The following NXN variants were observed in gnomAD, a reference collection of about 807,000 sequenced individuals.
NXN encodes nucleoredoxin.
A neutral mutation model predicts 48.6 loss-of-function variants in NXN; 16 were observed. That is an observed-to-expected ratio of 0.33 (90% confidence interval 0.22 to 0.50). The LOEUF (loss-of-function observed/expected upper bound fraction) is 0.50, where lower values mean the gene tolerates loss of function less well. Ranked by LOEUF, NXN falls within the 20% of genes least tolerant of loss-of-function variation. The pLI, the probability that NXN is intolerant of heterozygous loss-of-function variation, is 0.98. For synonymous variants in NXN, 281 were observed against 269.6 expected (o/e 1.04, Z -0.41); for missense variants, 492 against 605.5 (o/e 0.81, Z 1.97).
intron 1 of NXN, among the ~76,000 whole-genome samples, chr17:900,211 A>T (rs2068524515): frequency 6.6e-6 from 1 of 152,312 alleles, no homozygotes; most frequent in African/African-American, 2.4e-5. Flanking sequence ...GGTTGTGGTG[A>T]GCCAAGATTG....
chr17:940,114 T>A (rs1263173907), intron 1 of NXN, among the ~76,000 whole-genome samples: 3 of 148,812 alleles, frequency 2.0e-5, no homozygotes, highest in African/African-American at 2.4e-5. Flanking sequence ...TTTTTGTATT[T>A]TTTTGGTAGA....
chr17:951,211 G>A (rs1036085089), intron 1 of NXN, among the ~76,000 whole-genome samples: 7 of 146,704 alleles, frequency 4.8e-5, no homozygotes, highest in African/African-American at 1.0e-4. Flanking sequence ...AAAGCTGGGC[G>A]TGGTAGCGGG....
intron 1 of NXN, among the ~76,000 whole-genome samples, chr17:883,615 A>T (rs569118071): frequency 6.6e-6 from 1 of 152,388 alleles, no homozygotes; most frequent in East Asian, 1.9e-4. Flanking sequence ...TCGATGCTGG[A>T]AGGGCAGAAA....
intron 1 of NXN, chr17:864,041 C>T (rs1480468782): frequency 4.0e-6 from 6 of 1,508,204 alleles, no homozygotes; most frequent in Admixed American, 2.0e-5. Context: ...TGAAGGGACA[C>T]GTCTGCCATT....
chr17:902,430 A>G (rs1480941236), intron 1 of NXN, among the ~76,000 whole-genome samples: 1 of 152,202 alleles, frequency 6.6e-6, no homozygotes, highest in Non-Finnish European at 1.5e-5. Context: ...TCGAGGCAGA[A>G]ACAGATTTAC....
intron 1 of NXN, among the ~76,000 whole-genome samples, chr17:888,962 C>CAA (rs71145786): frequency 0.012 from 1,253 of 101,344 alleles, 31 homozygotes; most frequent in African/African-American, 0.039. Flanking sequence ...AACTCCATCT[C>CAA]AAAAAAAAAA....
intron 1 of NXN, among the ~76,000 whole-genome samples, chr17:842,026 C>G (rs1300977491): frequency 6.6e-6 from 1 of 152,090 alleles, no homozygotes; most frequent in Non-Finnish European, 1.5e-5. Flanking sequence ...ACCCCAGCAA[C>G]TCAGGAGGCT....
intron 1 of NXN, among the ~76,000 whole-genome samples, chr17:933,072 G>A (rs1416267439): frequency 6.6e-6 from 1 of 152,158 alleles, no homozygotes; most frequent in African/African-American, 2.4e-5. Context: ...AGAGGTTCCA[G>A]AAGGCAAGAT....
chr17:846,771 AG>A (rs1421353059), intron 1 of NXN, among the ~76,000 whole-genome samples: 1 of 152,164 alleles, frequency 6.6e-6, no homozygotes, highest in African/African-American at 2.4e-5. Flanking sequence ...AAATAAGGAA[AG>A]GAATGTGAGC....
chr17:857,322 G>A (rs2067996253), intron 1 of NXN, among the ~76,000 whole-genome samples: 1 of 152,070 alleles, frequency 6.6e-6, no homozygotes, highest in Admixed American at 6.6e-5. Flanking sequence ...GGGCAATGGT[G>A]TGATCTCAGC....
In NXN at chr17:843,039, AGAAAGAAAGAAAGAAAGAAG is replaced by A. The variant is rs1223787642; in HGVS notation, c.361-16981_361-16962del. ...AAGAAAGAAAGAAAGAAAGAAAGAA[AGAAAGAAAGAAAGAAAGAAG>A]GAAGAAAGCAAGCAAGCAAGCTGCA... On this transcript the variant is annotated intron_variant, in intron 1 of 7. Transcript: ENST00000336868. Among the ~76,000 whole-genome samples the A allele has an allele frequency of 3.3e-3, 460 of 139,462 alleles. 8 individuals carry two copies. The highest frequency in any genetic ancestry group is 7.8e-3 in the African/African-American group (265 of 33,906). 91.5% of individuals were successfully genotyped at this position (139,462 alleles called of 152,430 possible). A position where few individuals can be genotyped will look rare whatever the true frequency, so the allele number is the denominator to read the frequency against.
chr17:870,755 GAA>G (rs113824007), intron 1 of NXN, among the ~76,000 whole-genome samples: 21 of 131,338 alleles, frequency 1.6e-4, no homozygotes, highest in Admixed American at 2.3e-4. Context: ...ACTCTGTCTG[GAA>G]AAAAAAAAAA....
chr17:973,880 T>A (rs1439086868), intron 1 of NXN, among the ~76,000 whole-genome samples: 1 of 151,608 alleles, frequency 6.6e-6, no homozygotes, highest in Non-Finnish European at 1.5e-5. Context: ...GGTTTCACCA[T>A]GTTGGCCAGG....
At chr17:963,239 A>ACACACACC (rs1203502504) in intron 1 of NXN, among the ~76,000 whole-genome samples, 1 of 147,670 alleles carries the variant, frequency 6.8e-6, no homozygotes, top group African/African-American at 2.6e-5. Context: ...ACACACACAC[A>ACACACACC]CCCCTTTCAT....
At chr17:888,681 G>A (rs1258327154) in intron 1 of NXN, among the ~76,000 whole-genome samples, 1 of 151,940 alleles carries the variant, frequency 6.6e-6, no homozygotes, top group Non-Finnish European at 1.5e-5. Context: ...GAGGCCAGGT[G>A]TGGTGGCTCG....
chr17:871,188 T>A (rs1434162356), intron 1 of NXN, among the ~76,000 whole-genome samples: 5 of 151,820 alleles, frequency 3.3e-5, no homozygotes, highest in African/African-American at 1.2e-4. Context: ...ACGGTGATCT[T>A]CGCAGCTCTC....
Position 920,980 on chromosome 17 carries a change from C to A in NXN, c.360+58339G>T, listed in dbSNP as rs533943008. ...TCAAGTGATCCTCCCACCTTGGCCC[C>A]CAAAAGTCCTGGATGACAGGTGTGA... On this transcript the variant is annotated intron_variant, in intron 1 of 7. Transcript: ENST00000336868. This position sits in a 1 kb window ranked among gnomAD's most constrained non-coding sequence, Gnocchi z 4.6. 6.6e-6 allele frequency among the ~76,000 whole-genome samples: 1 copy of A among 152,150 alleles called. No homozygotes were observed. The highest frequency in any genetic ancestry group is 1.5e-5 in the Non-Finnish European group (1 of 68,026).
At position 932,020 on chromosome 17, in the gene NXN, T is replaced by C. The variant is rs1326507762; in HGVS notation, c.360+47299A>G. The stretch of plus-strand genomic sequence containing the variant: ...TTAGCCAGGTGTGGTGGTGGGTGCC[T>C]ATAATCCCAGCTAATGGGGAGGCTG... On this transcript the variant is annotated intron_variant, in intron 1 of 7. Transcript: ENST00000336868. This position sits in a 1 kb window ranked among gnomAD's most constrained non-coding sequence, Gnocchi z 4.1. 6.7e-6 allele frequency among the ~76,000 whole-genome samples: 1 copy of C among 148,512 alleles called. No homozygotes were observed.
intron 1 of NXN, among the ~76,000 whole-genome samples, chr17:926,612 C>T (rs1019907770): frequency 6.7e-6 from 1 of 150,238 alleles, no homozygotes; most frequent in African/African-American, 2.5e-5. Flanking sequence ...GTGGTGCAAT[C>T]TCGGCTCACC....
Sources: allele counts gnomAD v4.1 joint callset (sites outside exome capture counted in the v4.1 genomes callset), GRCh38; gene constraint gnomAD v4.1.1; non-coding constraint Gnocchi (gnomAD v3.1); transcripts MANE v1.5; gene names NCBI Gene and HGNC (gene_info 2026-07-23, HGNC 2026-07-21).